Variants in NOS1AP observed in about 807,000 individuals in gnomAD.
The protein encoded by NOS1AP is carboxyl-terminal PDZ ligand of neuronal nitric oxide synthase protein.
A neutral mutation model predicts 56.2 loss-of-function variants in NOS1AP; 21 were observed. That is an observed-to-expected ratio of 0.37 (90% CI 0.26 to 0.54). The LOEUF (loss-of-function observed/expected upper bound fraction) is 0.54. NOS1AP is among the 20% of genes least tolerant of loss of function. NOS1AP has a pLI of 0.84. For missense variants in NOS1AP, 522 were observed against 657.8 expected (o/e 0.79, Z 2.26); for synonymous variants, 270 against 274.6 (o/e 0.98, Z 0.17).
chr1:162,212,704 G>C (rs1377728187), intron 2 of NOS1AP, among the ~76,000 whole-genome samples: 3 of 152,170 alleles, frequency 2.0e-5, no homozygotes, highest in African/African-American at 7.2e-5. Flanking sequence ...GTCTAGCTGT[G>C]GATGCAGGCC....
intron 2 of NOS1AP, among the ~76,000 whole-genome samples, chr1:162,272,092 A>C (rs536842422): frequency 6.6e-6 from 1 of 151,960 alleles, no homozygotes; most frequent in Admixed American, 6.5e-5. Flanking sequence ...GCCTCAGGCA[A>C]TCCTCCACCT....
chr1:162,210,065 G>A (rs1652295854), intron 2 of NOS1AP, among the ~76,000 whole-genome samples: 1 of 152,096 alleles, frequency 6.6e-6, no homozygotes, highest in Non-Finnish European at 1.5e-5. Flanking sequence ...TTATTATTTT[G>A]ATCCTTGTGA....
chr1:162,127,060 C>T (rs1444278725), intron 1 of NOS1AP, among the ~76,000 whole-genome samples: 1 of 151,954 alleles, frequency 6.6e-6, no homozygotes, highest in Non-Finnish European at 1.5e-5. Flanking sequence ...CATTTAAGGG[C>T]CATTGGCATT....
At chr1:162,137,395 G>A (rs1441476036) in intron 1 of NOS1AP, among the ~76,000 whole-genome samples, 1 of 151,752 alleles carries the variant, frequency 6.6e-6, no homozygotes, top group Admixed American at 6.6e-5. Flanking sequence ...GGATTGGCGT[G>A]TGCCTCTGGA....
intron 1 of NOS1AP, among the ~76,000 whole-genome samples, chr1:162,097,125 T>TA (rs34097144): frequency 0.5 from 75,091 of 148,936 alleles, 20,745 homozygotes; most frequent in Non-Finnish European, 0.64. Context: ...TGCTGGGTAT[T>TA]AAAAAAAAAA....
chr1:162,251,606 G>A (rs1257966994), intron 2 of NOS1AP, among the ~76,000 whole-genome samples: 4 of 116,584 alleles, frequency 3.4e-5, no homozygotes, highest in African/African-American at 1.6e-4. Flanking sequence ...ATATATATGT[G>A]TGTGTGTGTG....
intron 2 of NOS1AP, among the ~76,000 whole-genome samples, chr1:162,282,518 A>G (rs181161250): frequency 5.9e-5 from 9 of 152,330 alleles, no homozygotes; most frequent in Admixed American, 5.2e-4. Context: ...GAACATGGGT[A>G]TACTCAGATT....
intron 2 of NOS1AP, among the ~76,000 whole-genome samples, chr1:162,189,757 G>A (rs144276196): frequency 9.1e-4 from 138 of 152,258 alleles, no homozygotes; most frequent in Non-Finnish European, 6.6e-4. Flanking sequence ...GTAATGTGAC[G>A]GAGAGTGATT....
At chr1:162,071,192 G>A (rs749091052) in intron 1 of NOS1AP, among the ~76,000 whole-genome samples, 4 of 152,186 alleles carry the variant, frequency 2.6e-5, no homozygotes, top group Non-Finnish European at 5.9e-5. Context: ...GTGACGTAGA[G>A]AGACCCAGGG....
chr1:162,094,678 C>T (rs12074930), intron 1 of NOS1AP, among the ~76,000 whole-genome samples: 12,919 of 152,188 alleles, frequency 0.085, 1,080 homozygotes, highest in African/African-American at 0.21. Flanking sequence ...TGACTTTACA[C>T]TTGTTGAAGC....
intron 1 of NOS1AP, among the ~76,000 whole-genome samples, chr1:162,144,795 T>G (rs561700346): frequency 4.6e-5 from 7 of 152,310 alleles, no homozygotes; most frequent in South Asian, 2.1e-4. Flanking sequence ...CCTGCTTTTT[T>G]TCTCTCCTCT....
intron 2 of NOS1AP, among the ~76,000 whole-genome samples, chr1:162,170,500 T>C (rs753303931): frequency 1.3e-4 from 20 of 151,956 alleles, no homozygotes; most frequent in Non-Finnish European, 2.6e-4. Flanking sequence ...TACATATCTA[T>C]CAAGAAAAGT....
At chr1:162,217,656 T>C (rs1652628076) in intron 2 of NOS1AP, among the ~76,000 whole-genome samples, 1 of 152,180 alleles carries the variant, frequency 6.6e-6, no homozygotes, top group Admixed American at 6.5e-5. Flanking sequence ...AGTGAGAGTG[T>C]GGCTGGCTCC....
chr1:162,126,271 C>CT (rs769647546), intron 1 of NOS1AP, among the ~76,000 whole-genome samples: 1 of 152,080 alleles, frequency 6.6e-6, no homozygotes, highest in Non-Finnish European at 1.5e-5. Context: ...CCCTTTATTT[C>CT]TTTCTCTTGC....
intron 2 of NOS1AP, among the ~76,000 whole-genome samples, chr1:162,180,349 G>A (rs570706821): frequency 1.3e-5 from 2 of 152,052 alleles, no homozygotes; most frequent in Admixed American, 6.6e-5. Flanking sequence ...GGTTCACGCC[G>A]TTCTTCTGCC....
intron 5 of NOS1AP, among the ~76,000 whole-genome samples, chr1:162,341,656 A>G (rs952502548): frequency 3.3e-5 from 5 of 152,212 alleles, no homozygotes; most frequent in African/African-American, 1.2e-4. Flanking sequence ...AGTCATACCT[A>G]AGGTTTAGTA....
intron 5 of NOS1AP, among the ~76,000 whole-genome samples, chr1:162,334,122 T>C (rs965004645): frequency 3.9e-5 from 6 of 152,216 alleles, no homozygotes; most frequent in African/African-American, 1.4e-4. Flanking sequence ...ACCTTGTCAA[T>C]AACACATGCC....
chr1:162,355,079 C>T, intron 6 of NOS1AP, 108 bp from the exon 7 acceptor site: 1 of 1,222,070 alleles, frequency 8.2e-7, no homozygotes. Flanking sequence ...GTTACAAAGC[C>T]AGTGGCATCC....
chr1:162,157,349 G>A (rs75161971), intron 2 of NOS1AP, among the ~76,000 whole-genome samples: 28 of 152,318 alleles, frequency 1.8e-4, no homozygotes, highest in African/African-American at 6.0e-4. Flanking sequence ...AGCAAGTGCC[G>A]TGGTATGTGT....
Sources: allele counts gnomAD v4.1 joint callset (sites outside exome capture counted in the v4.1 genomes callset), GRCh38; gene constraint gnomAD v4.1.1; transcripts MANE v1.5; gene names NCBI Gene and HGNC (gene_info 2026-07-23, HGNC 2026-07-21).